ELP4: variants seen among roughly 807,000 people sequenced by gnomAD.
ELP4 encodes the protein elongator acetyltransferase complex subunit 4.
A neutral mutation model predicts 48.9 loss-of-function variants in ELP4; 51 were observed. The ratio of observed to expected loss-of-function variants is 1.04; its 90% CI spans 0.83 to 1.32. The LOEUF is 1.32. Ranked by LOEUF, ELP4 falls within the 40% of genes most tolerant of loss-of-function variation. ELP4 has a pLI of 0.00. For missense variants in ELP4, 519 were observed against 514.6 expected, an observed-to-expected ratio of 1.01 and a Z score of -0.08; for synonymous variants, 210 against 189.2, an observed-to-expected ratio of 1.11 and a Z score of -0.90.
intron 9 of ELP4, among the ~76,000 whole-genome samples, chr11:31,709,336 T>G (rs1443927332): frequency 6.6e-6 from 1 of 152,176 alleles, no homozygotes; most frequent in Admixed American, 6.5e-5. Context: ...AAGATTAGTC[T>G]TCAGGTGCTA....
chr11:31,548,664 G>C (rs1956780049), intron 3 of ELP4, among the ~76,000 whole-genome samples: 1 of 152,102 alleles, frequency 6.6e-6, no homozygotes, highest in African/African-American at 2.4e-5. Context: ...CCAAAAAAGA[G>C]CCCGCATGGC....
chr11:31,546,836 C>G (rs1189383407), intron 3 of ELP4, among the ~76,000 whole-genome samples: 2 of 151,610 alleles, frequency 1.3e-5, no homozygotes, highest in East Asian at 1.9e-4. Flanking sequence ...GAAACTCACT[C>G]AAAACCGCTC....
At chr11:31,628,955 TAC>T (rs1429645521) in intron 6 of ELP4, among the ~76,000 whole-genome samples, 1 of 152,088 alleles carries the variant, frequency 6.6e-6, no homozygotes, top group Non-Finnish European at 1.5e-5. Context: ...AAATAAATGT[TAC>T]ATTTTTAAAG....
At chr11:31,685,351 A>AAACAAC (rs905330417) in intron 9 of ELP4, among the ~76,000 whole-genome samples, 1 of 152,080 alleles carries the variant, frequency 6.6e-6, no homozygotes, top group African/African-American at 2.4e-5. Flanking sequence ...CTCCGTCTCA[A>AAACAAC]AACAACAACA....
intron 6 of ELP4, among the ~76,000 whole-genome samples, chr11:31,629,145 G>C (rs1444493637): frequency 3.3e-5 from 5 of 151,516 alleles, no homozygotes; most frequent in Admixed American, 6.6e-5. Context: ...TACAAATTGC[G>C]GTCATAATTT....
intron 9 of ELP4, among the ~76,000 whole-genome samples, chr11:31,673,525 C>G (rs374463146): frequency 6.6e-6 from 1 of 151,978 alleles, no homozygotes; most frequent in East Asian, 1.9e-4. Context: ...GATGGAGTCT[C>G]GCCGTGTTGC....
At position 31,785,075 on chromosome 11, in the gene ELP4, T is replaced by C. The variant is rs936820639; in HGVS notation, c.*1551T>C. The C allele has an allele frequency of 5.5e-6, 1 of 181,018 alleles. No individual in the cohort carries two copies. The highest frequency in any genetic ancestry group is 1.2e-5 in the Non-Finnish European group (1 of 84,714). The allele number at this position is 181,018 out of a possible 1,614,324, so 11.2% of individuals were successfully genotyped here. A position where few individuals can be genotyped will look rare whatever the true frequency, so the allele number is the denominator to read the frequency against. ...AAAATAAAGTTTCAGAATTGATCTG[T>C]CAGTTAAAATTAAAGGGCTTTATAT... is the stretch of plus-strand genomic sequence containing the variant. On this transcript the variant is annotated 3_prime_UTR_variant, in exon 10 of 10. Coordinates refer to ENST00000640961, the MANE Select transcript of ELP4 (RefSeq NM_019040.5).
At chr11:31,776,442 G>GTGAC (rs748257615) in intron 9 of ELP4, among the ~76,000 whole-genome samples, 2 of 152,224 alleles carry the variant, frequency 1.3e-5, no homozygotes, top group Non-Finnish European at 2.9e-5. Flanking sequence ...GCTAGGAACT[G>GTGAC]TGACCTCTGT....
At chr11:31,594,397 T>A (rs1957638677) in intron 3 of ELP4, among the ~76,000 whole-genome samples, 1 of 152,122 alleles carries the variant, frequency 6.6e-6, no homozygotes, top group African/African-American at 2.4e-5. Flanking sequence ...AATGTTTTAT[T>A]TTTACCTTGT....
intron 3 of ELP4, among the ~76,000 whole-genome samples, chr11:31,584,396 TAGC>T (rs1342354795): frequency 6.6e-6 from 1 of 152,084 alleles, no homozygotes; most frequent in African/African-American, 2.4e-5. Context: ...ATTTTATTAT[TAGC>T]AGTAACATTA....
At chr11:31,519,939 G>T in intron 1 of ELP4, 117 bp from the exon 2 acceptor site, 2 of 824,422 alleles carry the variant, frequency 2.4e-6, no homozygotes, top group Non-Finnish European at 3.8e-6. Context: ...TTAAAATGTT[G>T]TTCACAACTA....
intron 9 of ELP4, among the ~76,000 whole-genome samples, chr11:31,698,546 G>A (rs1946458283): frequency 6.6e-6 from 1 of 151,994 alleles, no homozygotes. Context: ...CCGAGTAGCT[G>A]GGATCACAGG....
At chr11:31,676,079 T>G (rs1211221538) in intron 9 of ELP4, among the ~76,000 whole-genome samples, 1 of 152,006 alleles carries the variant, frequency 6.6e-6, no homozygotes, top group Non-Finnish European at 1.5e-5. Flanking sequence ...AGACCCTACA[T>G]GACCTGGCTG....
At chr11:31,661,136 A>G (rs1324486133) in intron 9 of ELP4, among the ~76,000 whole-genome samples, 1 of 152,048 alleles carries the variant, frequency 6.6e-6, no homozygotes, top group African/African-American at 2.4e-5. Context: ...CAGCAACCAT[A>G]CACACACCCC....
intron 9 of ELP4, among the ~76,000 whole-genome samples, chr11:31,753,255 T>G (rs570489474): frequency 4.6e-5 from 7 of 152,322 alleles, no homozygotes; most frequent in African/African-American, 1.4e-4. Flanking sequence ...TTCAAGTGAC[T>G]TACAAGACTT....
At chr11:31,763,337 T>TC (rs986925712) in intron 9 of ELP4, 19 of 1,315,290 alleles carry the variant, frequency 1.4e-5, no homozygotes, top group Non-Finnish European at 1.9e-5. Flanking sequence ...GTTAGCTTTT[T>TC]CCCCCTCTAA....
intron 3 of ELP4, among the ~76,000 whole-genome samples, chr11:31,560,965 TAGGTA>T (rs2133942127): frequency 6.6e-6 from 1 of 152,236 alleles, no homozygotes; most frequent in Middle Eastern, 3.4e-3. Flanking sequence ...CCATATAGCC[TAGGTA>T]TGTAGTAGGC....
intron 3 of ELP4, among the ~76,000 whole-genome samples, chr11:31,575,490 A>T (rs1007943998): frequency 1.3e-5 from 2 of 152,200 alleles, no homozygotes; most frequent in African/African-American, 4.8e-5. Flanking sequence ...CATAATTGTC[A>T]GACTCACCAA....
intron 3 of ELP4, among the ~76,000 whole-genome samples, chr11:31,549,878 A>T (rs1404189316): frequency 3.9e-5 from 6 of 152,204 alleles, no homozygotes; most frequent in African/African-American, 9.7e-5. Flanking sequence ...TCAGTAATCT[A>T]TCGCAAGAAC....
Sources: gnomAD v4.1 joint callset for allele counts (sites outside exome capture counted in the v4.1 genomes callset) on GRCh38, gnomAD v4.1.1 for gene constraint, MANE v1.5 for transcripts, NCBI Gene and HGNC (gene_info 2026-07-23, HGNC 2026-07-21) for gene names.